ASCC2: variants seen among roughly 807,000 people sequenced by gnomAD.
ASCC2 encodes activating signal cointegrator 1 complex subunit 2.
A neutral mutation model predicts 93.5 loss-of-function variants in ASCC2; 42 were observed. That is an observed-to-expected ratio of 0.45 (90% CI 0.35 to 0.58). The LOEUF (loss-of-function observed/expected upper bound fraction) is 0.58, where lower values mean the gene tolerates loss of function less well. ASCC2 is among the 20% of genes least tolerant of loss of function. The probability of loss-of-function intolerance (pLI) is 0.00; values close to 1 mark genes in which losing one functional copy is unlikely to be tolerated. For missense variants in ASCC2, 859 were observed against 977.6 expected, an observed-to-expected ratio of 0.88 and a Z score of 1.62; for synonymous variants, 364 against 384.2, an observed-to-expected ratio of 0.95 and a Z score of 0.62.
chr22:29,801,204 T>C (rs1290462736), intron 14 of ASCC2, 94 bp from the exon 15 acceptor site: 11 of 1,447,308 alleles, frequency 7.6e-6, no homozygotes, highest in African/African-American at 4.3e-5. Flanking sequence ...TCCATCGGAT[T>C]TTTCAGTTCC....
In ASCC2 at chr22:29,825,895, C is replaced by CT. The variant is rs1380371127; in HGVS notation, c.82-116dup. On this transcript the variant is annotated intron_variant, in intron 2 of 19. Transcript: ENST00000307790. The surrounding 1 kb of genome is among the most constrained non-coding windows in gnomAD (Gnocchi z 4.9). ...TTCCAACCGGTGACCCTCCAAGGAG[C>CT]TTTTAAGCATAAAGAACCAAGTGTA... The CT allele has an allele frequency of 7.9e-7, 1 of 1,261,982 alleles. No homozygotes were observed. Among genetic ancestry groups the CT allele is most frequent in the Non-Finnish European group, 1.1e-6 (1 of 905,386 alleles). 78.2% of individuals were successfully genotyped at this position (1,261,982 alleles called of 1,614,324 possible). A position where few individuals can be genotyped will look rare whatever the true frequency, so the allele number is the denominator to read the frequency against.
intron 1 of ASCC2, chr22:29,832,617 C>T (rs11090582): frequency 0.039 from 9,594 of 245,910 alleles, 971 homozygotes; most frequent in African/African-American, 0.21. Flanking sequence ...GATGGAGTCT[C>T]GATCTGTCAC....
chr22:29,831,390 A>G (rs531681491), intron 2 of ASCC2, among the ~76,000 whole-genome samples: 5 of 152,302 alleles, frequency 3.3e-5, no homozygotes, highest in Non-Finnish European at 7.4e-5. Context: ...CAAAATGTCT[A>G]TTTGTAGGGC....
At chr22:29,830,510 T>C (rs2062995891) in intron 2 of ASCC2, among the ~76,000 whole-genome samples, 1 of 152,176 alleles carries the variant, frequency 6.6e-6, no homozygotes, top group Non-Finnish European at 1.5e-5. Flanking sequence ...TGCCCTTCAA[T>C]ACCCAGTTCA....
chr22:29,790,450 CA>C lies in ASCC2; in HGVS notation c.2102+18del. On this transcript the variant is annotated intron_variant, in intron 19 of 19. Transcript: ENST00000307790. ...ATGGTGGGAGGGGTCCCCCCAGAAG[CA>C]GCCCCTTGAATGCTCACCCTTTCTT... 6.2e-7 allele frequency: 1 copy of C among 1,613,786 alleles called. No homozygotes were observed.
rs1295303409 is a variant in ASCC2 at position 29,816,059 on chromosome 22, G to A, written c.556C>T (p.Gln186Ter). The change falls in exon 6 of 20, where the codon CAG (glutamine) becomes TAG (stop). Residue 186 changes from glutamine (Q) to a stop codon, truncating the protein, a stop_gained. Transcript: ENST00000307790. LOFTEE classifies it high-confidence loss of function. ...AGGTCACTGTAGTAACTTGGCTGCTGTGTAAAGATGTTTCCTAAAAAGAGA... is the reference window on the plus strand; with the variant it reads ...AGGTCACTGTAGTAACTTGGCTGCTATGTAAAGATGTTTCCTAAAAAGAGA... ...LQKMIGNIFT[Q>*]QPSYYSDLDE... 1 of 1,596,706 alleles carries A rather than the reference G, an allele frequency of 6.3e-7. No homozygotes were observed.
At position 29,805,895 on chromosome 22, in the gene ASCC2, C is replaced by T. The variant is rs1172983464; in HGVS notation, c.1160+321G>A. On this transcript the variant is annotated intron_variant, in intron 12 of 19. Transcript: ENST00000307790. ...TGCCCTCTGAAATCTTCCCACGTGA[C>T]ACTCTATCTAACTGCCTGTTTACTT... is the stretch of plus-strand genomic sequence containing the variant. Among the ~76,000 whole-genome samples, 3 of 151,858 alleles carry T rather than the reference C, an allele frequency of 2.0e-5. No individual in the cohort carries two copies. In the East Asian group the frequency reaches 5.8e-4, roughly 30 times the overall value.
chr22:29,798,076 G>A (rs2058645762), intron 15 of ASCC2, among the ~76,000 whole-genome samples: 1 of 152,112 alleles, frequency 6.6e-6, no homozygotes, highest in African/African-American at 2.4e-5. Context: ...GATATTTTTA[G>A]AACACATGTT....
intron 4 of ASCC2, among the ~76,000 whole-genome samples, chr22:29,824,860 G>A (rs985328192): frequency 6.6e-6 from 1 of 152,190 alleles, no homozygotes; most frequent in African/African-American, 2.4e-5. Context: ...GCTGGCAAAG[G>A]GCCCTCGGCT....
At chr22:29,807,588 C>A (rs560056370) in intron 9 of ASCC2, among the ~76,000 whole-genome samples, 1 of 152,130 alleles carries the variant, frequency 6.6e-6, no homozygotes, top group African/African-American at 2.4e-5. Context: ...GTCTCCTTCA[C>A]GGTGTTTAGT....
intron 15 of ASCC2, among the ~76,000 whole-genome samples, chr22:29,794,956 T>C (rs1250120522): frequency 6.9e-6 from 1 of 145,932 alleles, no homozygotes; most frequent in Non-Finnish European, 1.5e-5. Flanking sequence ...GTCTAAATCT[T>C]TTTTTTTTTT....
At position 29,804,801 on chromosome 22, in the gene ASCC2, T is replaced by C. The variant is rs1212392385; in HGVS notation, c.1190A>G (p.Gln397Arg). ...LDETRTAYIL[Q>R]AVESAWEGVD... Reference sequence around the variant, plus strand: ...CCCTTCCCATGCACTCTCGACTGCCTGGAGGATGTAGGCAGTCCGCGTCTC... The same window carrying C: ...CCCTTCCCATGCACTCTCGACTGCCCGGAGGATGTAGGCAGTCCGCGTCTC... The change falls in exon 13 of 20, where the codon CAG becomes CGG. Residue 397 changes from glutamine to arginine, a missense_variant. Coordinates refer to ENST00000307790, the MANE Select transcript of ASCC2 (RefSeq NM_032204.5). The C allele has an allele frequency of 2.5e-6, 4 of 1,614,148 alleles. No homozygotes were observed. The highest frequency in any genetic ancestry group is 3.4e-6 in the Non-Finnish European group (4 of 1,180,006).
intron 1 of ASCC2, chr22:29,834,583 A>G (rs1198422113): frequency 2.1e-6 from 1 of 470,816 alleles, no homozygotes; most frequent in East Asian, 6.9e-5. Flanking sequence ...AGAAAGTAAT[A>G]AAGGGCTTAG....
At chr22:29,821,268 G>A (rs558505580) in intron 5 of ASCC2, among the ~76,000 whole-genome samples, 38 of 152,250 alleles carry the variant, frequency 2.5e-4, no homozygotes, top group African/African-American at 4.6e-4. Flanking sequence ...GCTAATGTCC[G>A]TTCCTTTTGC....
In ASCC2 at chr22:29,793,673, G is replaced by T. The variant is rs1167204132; in HGVS notation, c.1692C>A (p.Thr564=). Residue 564 remains threonine (T), a synonymous_variant, in exon 16 of 20, where the codon ACC becomes ACA. Coordinates refer to ENST00000307790, the MANE Select transcript of ASCC2 (RefSeq NM_032204.5). ...DLSRVHKGKS[T]RKEENTRSLL... ...AACTCCGCGTGTTTTCCTCCTTCCT[G>T]GTGCTGAGAAGGAACAGCAGAAAGA... 7.0e-6 allele frequency: 11 copies of T among 1,560,532 alleles called. No individual in the cohort carries two copies. The Admixed American group carries it at 7.7e-5, about 11-fold the overall frequency.
In ASCC2 at chr22:29,825,383, C is replaced by G. The variant is rs1018214196; in HGVS notation, c.241-126G>C. The G allele has an allele frequency of 5.4e-6, 7 of 1,291,344 alleles. No individual in the cohort carries two copies. The East Asian group carries it at 7.1e-5, about 13-fold the overall frequency. 80.0% of individuals were successfully genotyped at this position (1,291,344 alleles called of 1,614,324 possible). A position where few individuals can be genotyped will look rare whatever the true frequency, so the allele number is the denominator to read the frequency against. Reference sequence around the variant, plus strand: ...TCCAAACACTCCGACCCCAAGGGACCAAGGAGGTATGAATGAGCCAAGGGC... The same window carrying G: ...TCCAAACACTCCGACCCCAAGGGACGAAGGAGGTATGAATGAGCCAAGGGC... On this transcript the variant is annotated intron_variant, in intron 3 of 19. Coordinates refer to ENST00000307790, the MANE Select transcript of ASCC2 (RefSeq NM_032204.5). The surrounding 1 kb of genome is among the most constrained non-coding windows in gnomAD (Gnocchi z 4.9).
rs142169716 is a variant in ASCC2 at position 29,835,509 on chromosome 22, C to T, written c.-18+2669G>A. Among the ~76,000 whole-genome samples, 440 of 152,180 alleles carry T rather than the reference C, an allele frequency of 2.9e-3. 1 individual carries two copies. The highest frequency in any genetic ancestry group is 3.9e-3 in the Non-Finnish European group (266 of 68,022). ...GCCTGGTGTGGTGGTAGGGAGAGAGCGCTACAGTCCTACAGCCTGGATTCA... is the reference window on the plus strand; with the variant it reads ...GCCTGGTGTGGTGGTAGGGAGAGAGTGCTACAGTCCTACAGCCTGGATTCA... On this transcript the variant is annotated intron_variant, in intron 1 of 19. Coordinates refer to ENST00000307790, the MANE Select transcript of ASCC2 (RefSeq NM_032204.5).
chr22:29,791,675 C>T (rs749227429), intron 18 of ASCC2, among the ~76,000 whole-genome samples: 1 of 152,052 alleles, frequency 6.6e-6, no homozygotes, highest in Non-Finnish European at 1.5e-5. Context: ...GAGTGGGACG[C>T]CATCTCCAAA....
chr22:29,838,131 C>A (rs766245826), intron 1 of ASCC2, 47 bp downstream of exon 1: 1 of 459,980 alleles, frequency 2.2e-6, no homozygotes, highest in South Asian at 1.5e-5. Context: ...CGCGGCTCCT[C>A]CGGGGTCCCT....
Sources: allele counts gnomAD v4.1 joint callset (sites outside exome capture counted in the v4.1 genomes callset), GRCh38; gene constraint gnomAD v4.1.1; non-coding constraint Gnocchi (gnomAD v3.1); transcripts MANE v1.5; gene names NCBI Gene and HGNC (gene_info 2026-07-23, HGNC 2026-07-21).